ARHGAP26: variants seen among roughly 807,000 people sequenced by gnomAD.
ARHGAP26 encodes the protein Rho GTPase activating protein 26, also known as rho GTPase-activating protein 26.
Under a neutral mutation model 104.8 loss-of-function variants are expected in ARHGAP26, and 38 were observed. The observed-to-expected ratio is 0.36, with a 90% CI of 0.28 to 0.48. The LOEUF is 0.48. ARHGAP26 is among the 20% of genes least tolerant of loss of function. The pLI, the probability that ARHGAP26 is intolerant of heterozygous loss-of-function variation, is 0.99. For synonymous variants in ARHGAP26, 341 were observed against 340.0 expected (o/e 1.00, Z -0.03); for missense variants, 704 against 947.9 (o/e 0.74, Z 3.38).
At chr5:142,905,834 AT>A (rs1209615538) in intron 8 of ARHGAP26, among the ~76,000 whole-genome samples, 3 of 152,174 alleles carry the variant, frequency 2.0e-5, no homozygotes, top group Admixed American at 2.0e-4. Context: ...CTAATATCAA[AT>A]TTAACATTGG....
chr5:143,210,617 A>G lies in ARHGAP26; in HGVS notation c.2099+3309A>G, dbSNP rs560199384. On this transcript the variant is annotated intron_variant, in intron 21 of 22. Coordinates refer to ENST00000645722, the MANE Select transcript of ARHGAP26 (RefSeq NM_001135608.3). ...CTCCCCCAAAAAAGCCGATAGCCCC[A>G]AACCCGTAACTTGCATTTGCCCAGG... Among the ~76,000 whole-genome samples, 75 of 152,338 alleles carry G rather than the reference A, an allele frequency of 4.9e-4. 1 individual carries two copies. The highest frequency in any genetic ancestry group is 2.2e-3 in the Admixed American group (34 of 15,306).
At chr5:142,789,420 A>G (rs189498152) in intron 1 of ARHGAP26, among the ~76,000 whole-genome samples, 3 of 152,236 alleles carry the variant, frequency 2.0e-5, no homozygotes, top group Admixed American at 6.5e-5. Flanking sequence ...CTTCGTTTTA[A>G]TCTATCTAGT....
chr5:143,212,367 A>T (rs1809601700), intron 21 of ARHGAP26, among the ~76,000 whole-genome samples: 1 of 152,038 alleles, frequency 6.6e-6, no homozygotes, highest in African/African-American at 2.4e-5. Context: ...AAAAAAAAAA[A>T]AAAAATGCCT....
chr5:143,142,528 T>C (rs1307414818), intron 19 of ARHGAP26, among the ~76,000 whole-genome samples: 2 of 152,202 alleles, frequency 1.3e-5, no homozygotes, highest in African/African-American at 4.8e-5. Context: ...AAACTGTTTT[T>C]ATATACCCAA....
chr5:143,192,228 C>G (rs925512155), intron 20 of ARHGAP26, among the ~76,000 whole-genome samples: 2 of 152,128 alleles, frequency 1.3e-5, no homozygotes, highest in Non-Finnish European at 2.9e-5. Context: ...TCAAACTCAT[C>G]GTGATATCAA....
At chr5:142,788,539 A>G (rs930528515) in intron 1 of ARHGAP26, among the ~76,000 whole-genome samples, 3 of 152,336 alleles carry the variant, frequency 2.0e-5, no homozygotes, top group East Asian at 3.9e-4. Flanking sequence ...TCAACCAACC[A>G]CAGATCAAGA....
intron 20 of ARHGAP26, among the ~76,000 whole-genome samples, chr5:143,206,888 G>C (rs771190505): frequency 2.0e-5 from 3 of 152,250 alleles, no homozygotes; most frequent in Non-Finnish European, 4.4e-5. Flanking sequence ...ACGTGGGTGT[G>C]GGAACTCATG....
At chr5:142,960,513 C>G (rs1389150680) in intron 11 of ARHGAP26, among the ~76,000 whole-genome samples, 1 of 152,200 alleles carries the variant, frequency 6.6e-6, no homozygotes, top group Non-Finnish European at 1.5e-5. Flanking sequence ...CCATTAGTCA[C>G]CTAGTAGCCA....
chr5:142,782,113 G>A (rs1379540399), intron 1 of ARHGAP26, among the ~76,000 whole-genome samples: 1 of 152,182 alleles, frequency 6.6e-6, no homozygotes, highest in Non-Finnish European at 1.5e-5. Flanking sequence ...AGGAGTTAGG[G>A]GCATCTCCAG....
chr5:143,152,008 A>G (rs1476781926), intron 20 of ARHGAP26, among the ~76,000 whole-genome samples: 1 of 152,160 alleles, frequency 6.6e-6, no homozygotes, highest in Non-Finnish European at 1.5e-5. Context: ...TACCAACTAT[A>G]TGGCTTTCTG....
At chr5:142,990,705 T>C (rs1431491594) in intron 11 of ARHGAP26, among the ~76,000 whole-genome samples, 1 of 152,240 alleles carries the variant, frequency 6.6e-6, no homozygotes, top group African/African-American at 2.4e-5. Flanking sequence ...GCTGCAGGTC[T>C]GTTGGGGTTC....
At chr5:143,221,562 G>A (rs1811136761) in intron 22 of ARHGAP26, among the ~76,000 whole-genome samples, 1 of 152,158 alleles carries the variant, frequency 6.6e-6, no homozygotes, top group South Asian at 2.1e-4. Context: ...CGCCCAGGCT[G>A]GAGTGCAGTG....
intron 20 of ARHGAP26, among the ~76,000 whole-genome samples, chr5:143,162,321 C>G (rs970901936): frequency 5.0e-5 from 7 of 139,024 alleles, no homozygotes; most frequent in African/African-American, 1.9e-4. Flanking sequence ...ACGCAATCCC[C>G]TTTCCCATTT....
intron 14 of ARHGAP26, among the ~76,000 whole-genome samples, chr5:143,046,755 A>C (rs922439216): frequency 1.3e-5 from 2 of 152,332 alleles, no homozygotes; most frequent in South Asian, 2.1e-4. Flanking sequence ...GTGTATGTCT[A>C]TCTCTCTTCC....
intron 11 of ARHGAP26, among the ~76,000 whole-genome samples, chr5:142,990,378 G>C (rs1391860327): frequency 6.6e-6 from 1 of 152,070 alleles, no homozygotes; most frequent in Non-Finnish European, 1.5e-5. Flanking sequence ...AAGGTTTTTA[G>C]CTTCTTTGTG....
intron 17 of ARHGAP26, among the ~76,000 whole-genome samples, chr5:143,058,974 C>T (rs1786275246): frequency 6.6e-6 from 1 of 152,158 alleles, no homozygotes; most frequent in Non-Finnish European, 1.5e-5. Flanking sequence ...CAGGAGAATG[C>T]CCTAAAGGTG....
chr5:143,215,517 G>A (rs1032958724), intron 22 of ARHGAP26, among the ~76,000 whole-genome samples: 1 of 152,132 alleles, frequency 6.6e-6, no homozygotes. Context: ...ACAATTCAAT[G>A]GTTTTTAGTA....
intron 19 of ARHGAP26, among the ~76,000 whole-genome samples, chr5:143,141,739 A>G (rs899668878): frequency 2.6e-5 from 4 of 152,246 alleles, no homozygotes; most frequent in African/African-American, 9.6e-5. Context: ...CAAGTCTCAC[A>G]TAGAAAAGAG....
rs373310003 is a variant in ARHGAP26 at position 143,012,897 on chromosome 5, A to C, written c.1108-1183A>C. ...TCTCGATCTCCTGACCTCATGATCC[A>C]CCCGCCTGGGCCTCCCAAAGTGCTG... is the stretch of plus-strand genomic sequence containing the variant. On this transcript the variant is annotated intron_variant, in intron 11 of 22. Transcript: ENST00000645722. Among the ~76,000 whole-genome samples, 255 of 151,552 alleles carry C rather than the reference A, an allele frequency of 1.7e-3. 5 individuals are homozygous for C. The East Asian group carries it at 0.045, about 27-fold the overall frequency.
Sources: gnomAD v4.1 joint callset for allele counts (sites outside exome capture counted in the v4.1 genomes callset) on GRCh38, gnomAD v4.1.1 for gene constraint, MANE v1.5 for transcripts, NCBI Gene and HGNC (gene_info 2026-07-23, HGNC 2026-07-21) for gene names.